Variants in IL33 observed in about 807,000 individuals in gnomAD.
IL33 encodes the protein interleukin 33, also known as interleukin-33.
In IL33, 37 loss-of-function variants were observed where a neutral mutation model predicts 27.3. The observed-to-expected ratio is 1.36, with a 90% confidence interval of 1.04 to 1.78. The LOEUF (loss-of-function observed/expected upper bound fraction) is 1.78, where lower values mean the gene tolerates loss of function less well. Ranked by LOEUF, IL33 falls within the 40% of genes most tolerant of loss-of-function variation. IL33 has a pLI of 0.00. For missense variants in IL33, 406 were observed against 311.4 expected (o/e 1.30, Z -2.29); for synonymous variants, 132 against 102.9 (o/e 1.28, Z -1.71).
At chr9:6,247,142 C>A (rs1167794933) in intron 2 of IL33, among the ~76,000 whole-genome samples, 1 of 152,062 alleles carries the variant, frequency 6.6e-6, no homozygotes. Context: ...TTGGAGCAAG[C>A]ATGATTGCCC....
At chr9:6,236,379 T>C (rs147314527) in intron 1 of IL33, among the ~76,000 whole-genome samples, 1 of 152,352 alleles carries the variant, frequency 6.6e-6, no homozygotes, top group Non-Finnish European at 1.5e-5. Context: ...TTACATATTT[T>C]CTAAGTGCAC....
intron 1 of IL33, among the ~76,000 whole-genome samples, chr9:6,227,964 G>A (rs569427354): frequency 2.0e-5 from 3 of 152,082 alleles, no homozygotes; most frequent in South Asian, 2.1e-4. Flanking sequence ...GAAAATGTTC[G>A]CTTAGGGTTT....
intron 1 of IL33, among the ~76,000 whole-genome samples, chr9:6,228,783 G>C (rs1245482752): frequency 6.7e-6 from 1 of 150,336 alleles, no homozygotes; most frequent in South Asian, 2.1e-4. Context: ...GAACCTAGGA[G>C]TTCAGTGAGG....
At chr9:6,230,441 C>T (rs947662960) in intron 1 of IL33, among the ~76,000 whole-genome samples, 2 of 152,016 alleles carry the variant, frequency 1.3e-5, no homozygotes, top group African/African-American at 4.8e-5. Flanking sequence ...TCATTATTCC[C>T]CAAACTTCTA....
intron 2 of IL33, among the ~76,000 whole-genome samples, chr9:6,248,853 A>G (rs1291466727): frequency 6.6e-6 from 1 of 152,124 alleles, no homozygotes; most frequent in Non-Finnish European, 1.5e-5. Flanking sequence ...TGCTGGGATT[A>G]CAGGTGTGAG....
At chr9:6,241,174 T>C (rs1445837822) in intron 1 of IL33, among the ~76,000 whole-genome samples, 1 of 152,214 alleles carries the variant, frequency 6.6e-6, no homozygotes, top group Non-Finnish European at 1.5e-5. Context: ...CTGAGGCTGC[T>C]TTACAATTAA....
At chr9:6,248,558 A>G (rs1820013750) in intron 2 of IL33, among the ~76,000 whole-genome samples, 1 of 151,758 alleles carries the variant, frequency 6.6e-6, no homozygotes. Flanking sequence ...CTAGAAGTGT[A>G]AGAAATAAAT....
intron 1 of IL33, among the ~76,000 whole-genome samples, chr9:6,227,403 A>C (rs1426993835): frequency 6.6e-6 from 1 of 152,224 alleles, no homozygotes; most frequent in African/African-American, 2.4e-5. Context: ...TTAAAAATAC[A>C]TCTTGCAGCA....
chr9:6,233,933 C>T (rs1165190641), intron 1 of IL33, among the ~76,000 whole-genome samples: 5 of 152,158 alleles, frequency 3.3e-5, no homozygotes, highest in African/African-American at 4.8e-5. Context: ...AGATTCCCAC[C>T]ATACTTAAAT....
intron 4 of IL33, among the ~76,000 whole-genome samples, chr9:6,251,516 C>T (rs1816357517): frequency 6.6e-6 from 1 of 152,028 alleles, no homozygotes; most frequent in South Asian, 2.1e-4. Context: ...GGATTGGAAT[C>T]CCATGGTCAT....
At chr9:6,216,199 TA>T (rs1467123133) in intron 1 of IL33, among the ~76,000 whole-genome samples, 1 of 152,164 alleles carries the variant, frequency 6.6e-6, no homozygotes, top group African/African-American at 2.4e-5. Flanking sequence ...GGCGTGATCC[TA>T]GCTCACTGCA....
At chr9:6,230,324 G>C (rs933381146) in intron 1 of IL33, among the ~76,000 whole-genome samples, 1 of 152,064 alleles carries the variant, frequency 6.6e-6, no homozygotes, top group African/African-American at 2.4e-5. Flanking sequence ...CCTTTCCCTA[G>C]GAGAAGTGTT....
chr9:6,249,752 T>C (rs1816220815), intron 2 of IL33, among the ~76,000 whole-genome samples: 1 of 152,196 alleles, frequency 6.6e-6, no homozygotes, highest in African/African-American at 2.4e-5. Context: ...GTGTCATGAC[T>C]CCTGAGAGCC....
In IL33 at chr9:6,256,191, G is replaced by A; in HGVS notation, c.*23G>A. ...TAGTTGATGGAAACCTGTGAGTCTT[G>A]GGTTGAGTACCCAAATGCTACCACT... On this transcript the variant is annotated 3_prime_UTR_variant, in exon 8 of 8. Coordinates refer to ENST00000682010, the MANE Select transcript of IL33 (RefSeq NM_033439.4). The A allele has an allele frequency of 6.4e-7, 1 of 1,566,694 alleles. No homozygotes were observed. Among genetic ancestry groups the A allele is most frequent in the Non-Finnish European group, 8.8e-7 (1 of 1,138,550 alleles).
At chr9:6,222,126 A>C (rs1377305325) in intron 1 of IL33, among the ~76,000 whole-genome samples, 1 of 152,222 alleles carries the variant, frequency 6.6e-6, no homozygotes, top group Non-Finnish European at 1.5e-5. Context: ...AACTTTATGG[A>C]AATGAAATAT....
intron 2 of IL33, among the ~76,000 whole-genome samples, chr9:6,249,811 T>C (rs1477837595): frequency 1.3e-5 from 2 of 152,192 alleles, no homozygotes; most frequent in African/African-American, 4.8e-5. Flanking sequence ...TCTTGCAAGA[T>C]TATTATGAAG....
chr9:6,230,196 TTTACC>T (rs142104736), intron 1 of IL33, among the ~76,000 whole-genome samples: 2,144 of 152,250 alleles, frequency 0.014, 47 homozygotes, highest in African/African-American at 0.048. Flanking sequence ...ATAAGTACTG[TTTACC>T]TTAAAGACAT....
intron 1 of IL33, among the ~76,000 whole-genome samples, chr9:6,241,266 T>C (rs1292092710): frequency 2.0e-5 from 3 of 152,210 alleles, no homozygotes; most frequent in Non-Finnish European, 4.4e-5. Flanking sequence ...ACCAGTAACA[T>C]AGTCATTTGT....
intron 5 of IL33, 151 bp downstream of exon 5, chr9:6,253,142 C>G (rs1587669795): frequency 9.2e-6 from 5 of 542,490 alleles, no homozygotes; most frequent in African/African-American, 1.9e-5. Flanking sequence ...GCAGTGGGTG[C>G]CTGAATCCAC....
Sources: allele counts gnomAD v4.1 joint callset (sites outside exome capture counted in the v4.1 genomes callset), GRCh38; gene constraint gnomAD v4.1.1; transcripts MANE v1.5; gene names NCBI Gene and HGNC (gene_info 2026-07-23, HGNC 2026-07-21).